The following ETV3 variants were observed in gnomAD, a reference collection of about 807,000 sequenced individuals.
The protein encoded by ETV3 is ETS variant transcription factor 3.
Under a neutral mutation model 33.0 loss-of-function variants are expected in ETV3, and 8 were observed. The observed-to-expected ratio is 0.24, with a 90% confidence interval of 0.14 to 0.44. The LOEUF is 0.44. Among genes scored for constraint, ETV3 ranks in the 20% least tolerant of loss-of-function variants. The pLI, the probability that ETV3 is intolerant of heterozygous loss-of-function variation, is 1.00. For missense variants in ETV3, 473 were observed against 652.3 expected (o/e 0.73, Z 2.99); for synonymous variants, 222 against 238.9 (o/e 0.93, Z 0.65).
rs1197722762 is a variant in ETV3 at position 157,125,882 on chromosome 1, C to T, written c.498G>A (p.Pro166=). ...TTAGGGAGCTAGCAGAGAACCGTCCCGGCTGCACATCATTGGTTGGAGAAT... is the reference window on the plus strand; with the variant it reads ...TTAGGGAGCTAGCAGAGAACCGTCCTGGCTGCACATCATTGGTTGGAGAAT... The part of the protein sequence containing the change: ...DTHSPTNDVQ[P]GRFSASSLTA... Residue 166 remains proline (P), a synonymous_variant, in exon 5 of 5, where the codon CCG becomes CCA. Coordinates refer to ENST00000368192, the MANE Select transcript of ETV3 (RefSeq NM_001145312.3). This position sits in a 1 kb window ranked among gnomAD's most constrained non-coding sequence, Gnocchi z 4.0. 5.8e-6 allele frequency: 9 copies of T among 1,551,620 alleles called. No homozygotes were observed. Among genetic ancestry groups the T allele is most frequent in the African/African-American group, 2.7e-5 (2 of 73,026 alleles).
chr1:157,130,732 T>C (rs1218509132), intron 4 of ETV3, among the ~76,000 whole-genome samples: 1 of 152,222 alleles, frequency 6.6e-6, no homozygotes, highest in Non-Finnish European at 1.5e-5. Flanking sequence ...CAGTTAATAT[T>C]TGTAAAGCCC....
At position 157,124,769 on chromosome 1, in the gene ETV3, C is replaced by CCGAAAACT; in HGVS notation, c.*71_*72insAGTTTTCG. On this transcript the variant is annotated 3_prime_UTR_variant, in exon 5 of 5. Coordinates refer to ENST00000368192, the MANE Select transcript of ETV3 (RefSeq NM_001145312.3). The stretch of plus-strand genomic sequence containing the variant: ...CCAGTTTAACTCCCTCCCCCCCACC[C>CCGAAAACT]TGAAATCTTGCTACATAAATACATG... The CCGAAAACT allele has an allele frequency of 2.9e-6, 2 of 694,886 alleles. No homozygotes were observed. Among genetic ancestry groups the CCGAAAACT allele is most frequent in the Non-Finnish European group, 4.1e-6 (2 of 488,672 alleles). The allele number at this position is 694,886 out of a possible 1,614,324, so 43.0% of individuals were successfully genotyped here.
chr1:157,133,737 T>C (rs1675027830), intron 4 of ETV3: 2 of 1,010,102 alleles, frequency 2.0e-6, no homozygotes, highest in Non-Finnish European at 2.4e-6. Context: ...TCGGAAGTGT[T>C]TGTAGAAACA....
intron 3 of ETV3, among the ~76,000 whole-genome samples, chr1:157,134,644 A>G (rs1328881171): frequency 6.6e-6 from 1 of 152,244 alleles, no homozygotes; most frequent in Non-Finnish European, 1.5e-5. Flanking sequence ...GTTAGTCTGG[A>G]GGCCTAAGCT....
rs1282909593 is a variant in ETV3 at position 157,125,403 on chromosome 1, A to C, written c.977T>G (p.Met326Arg). ...CATTTGGCACTGCAGTGGTGGAACC[A>C]TGAGCCCTGGGTAACGGGGAAAAGT... Reference protein sequence around the residue: ...PRTFPRYPGLMVPPLQCQMHP... With the variant: ...PRTFPRYPGLRVPPLQCQMHP... The change falls in exon 5 of 5, where the codon ATG (methionine) becomes AGG (arginine). Residue 326 changes from methionine (M) to arginine (R), a missense_variant. By Grantham distance (91) the Met-to-Arg change is moderately conservative (BLOSUM62 -1). Transcript: ENST00000368192. This position sits in a 1 kb window ranked among gnomAD's most constrained non-coding sequence, Gnocchi z 4.0. 6.4e-7 allele frequency: 1 copy of C among 1,552,162 alleles called. No homozygotes were observed. The highest frequency in any genetic ancestry group is 2.0e-5 in the Admixed American group (1 of 51,014).
At chr1:157,137,509 A>ACAC (rs1675145772) in intron 1 of ETV3, among the ~76,000 whole-genome samples, 6 of 145,090 alleles carry the variant, frequency 4.1e-5, no homozygotes, top group African/African-American at 7.7e-5. Flanking sequence ...GACAAGGAAA[A>ACAC]ACACACACAC....
intron 1 of ETV3, among the ~76,000 whole-genome samples, chr1:157,137,594 G>A (rs1266507424): frequency 6.6e-6 from 1 of 150,784 alleles, no homozygotes; most frequent in Non-Finnish European, 1.5e-5. Context: ...TGAGGCAGGA[G>A]CTTCCTCTTC....
Position 157,135,535 on chromosome 1 carries a change from G to A in ETV3, c.220C>T (p.Arg74Cys), listed in dbSNP as rs751032829. The change falls in exon 3 of 5, where the codon CGC (arginine) becomes TGC (cysteine). Residue 74 changes from arginine (R) to cysteine (C), a missense_variant. This residue lies in a region of ETV3 where 30 missense variants were observed against 94.9 expected (regional missense o/e 0.32). Coordinates refer to ENST00000368192, the MANE Select transcript of ETV3 (RefSeq NM_001145312.3). ...TTGCATTTCCTGCGGCCCCAGAGGC[G>A]GGCCACCTCATCTGGATCCTTGATG... ...FVIKDPDEVARLWGRRKCKPQ... is the reference protein window; with the variant it reads ...FVIKDPDEVACLWGRRKCKPQ... The A allele has an allele frequency of 1.2e-6, 2 of 1,613,930 alleles. No homozygotes were observed. Among genetic ancestry groups the A allele is most frequent in the Non-Finnish European group, 1.7e-6 (2 of 1,179,924 alleles).
chr1:157,135,211 A>T (rs1463532161), intron 3 of ETV3: 1 of 590,630 alleles, frequency 1.7e-6, no homozygotes, highest in Non-Finnish European at 3.0e-6. Flanking sequence ...CCCACTACAG[A>T]GCAGAATCAG....
Position 157,125,166 on chromosome 1 carries a change from T to G in ETV3, c.1214A>C (p.Gln405Pro). ...QSAREKEEHT[Q>P]EEGTVPSRTI... is the part of the protein sequence containing the mutation. Reference sequence around the variant, plus strand: ...CCTGCTTGGCACAGTGCCCTCTTCTTGAGTGTGCTCCTCCTTCTCTCGTGC... The same window carrying G: ...CCTGCTTGGCACAGTGCCCTCTTCTGGAGTGTGCTCCTCCTTCTCTCGTGC... The change falls in exon 5 of 5, where the codon CAA (glutamine) becomes CCA (proline). Residue 405 changes from glutamine to proline, a missense_variant. By Grantham distance (76) the Gln-to-Pro change is moderately conservative. Around this residue, in one of 3 missense-constraint regions of ETV3, gnomAD observed 410 missense variants for 520.2 expected, o/e 0.79. Coordinates refer to ENST00000368192, the MANE Select transcript of ETV3 (RefSeq NM_001145312.3). The surrounding 1 kb of genome is among the most constrained non-coding windows in gnomAD (Gnocchi z 4.0). 6.4e-7 allele frequency: 1 copy of G among 1,552,024 alleles called. No individual in the cohort carries two copies. Among genetic ancestry groups the G allele is most frequent in the Non-Finnish European group, 8.7e-7 (1 of 1,147,018 alleles).
rs2231854 is a variant in ETV3, at chr1:157,135,308, C to A, written c.284+163G>T. On this transcript the variant is annotated intron_variant, in intron 3 of 4. Coordinates refer to ENST00000368192, the MANE Select transcript of ETV3 (RefSeq NM_001145312.3). ...TGCCTTTTCTCCTCCTGTGCCTATGCTACTCACATTCAACAGCTCTTCTAC... is the reference window on the plus strand; with the variant it reads ...TGCCTTTTCTCCTCCTGTGCCTATGATACTCACATTCAACAGCTCTTCTAC... 1,696 of 807,680 alleles carry A rather than the reference C, an allele frequency of 2.1e-3. 18 individuals are homozygous for A. In the African/African-American group the frequency reaches 0.026, roughly 12 times the overall value. The allele number at this position is 807,680 out of a possible 1,614,324, so 50.0% of individuals were successfully genotyped here.
At chr1:157,128,667 G>GA (rs1674899760) in intron 4 of ETV3, 1 of 191,192 alleles carries the variant, frequency 5.2e-6, no homozygotes, top group East Asian at 1.4e-4. Flanking sequence ...GCTACTAATG[G>GA]ATAATAATTG....
At chr1:157,132,747 C>CTT (rs67621779) in intron 4 of ETV3, among the ~76,000 whole-genome samples, 2 of 142,712 alleles carry the variant, frequency 1.4e-5, no homozygotes, top group African/African-American at 2.6e-5. Flanking sequence ...TCCAATACCA[C>CTT]TTTTTTTTTT....
intron 3 of ETV3, among the ~76,000 whole-genome samples, chr1:157,134,514 T>C (rs921191410): frequency 6.6e-6 from 1 of 152,228 alleles, no homozygotes; most frequent in Non-Finnish European, 1.5e-5. Context: ...TCCATCTCTC[T>C]ACAATTTCGA....
intron 4 of ETV3, among the ~76,000 whole-genome samples, chr1:157,130,421 T>C (rs1247311424): frequency 1.3e-5 from 2 of 152,178 alleles, no homozygotes; most frequent in Non-Finnish European, 2.9e-5. Flanking sequence ...AAAAGAAAGT[T>C]TGAATACCAT....
chr1:157,127,542 CTTTTTTTTT>C (rs779661847), intron 4 of ETV3, among the ~76,000 whole-genome samples: 1 of 133,564 alleles, frequency 7.5e-6, no homozygotes. Context: ...CTTATGTCAA[CTTTTTTTTT>C]TTTTTTTTTT....
In ETV3 at chr1:157,125,624, G is replaced by A. The variant is rs1381301833; in HGVS notation, c.756C>T (p.Ile252=). The change falls in exon 5 of 5, where the codon ATC becomes ATT. Residue 252 remains isoleucine, a synonymous_variant. Transcript: ENST00000368192. The surrounding 1 kb of genome is among the most constrained non-coding windows in gnomAD (Gnocchi z 4.0). ...DPHSPFAVSP[I]PGRGGVLNVP... is the part of the protein sequence containing the mutation. ...CATTAAGGACACCTCCGCGGCCAGG[G>A]ATTGGAGAGACAGCGAAGGGACTGT... is the stretch of plus-strand genomic sequence containing the variant. 4 of 1,551,734 alleles carry A rather than the reference G, an allele frequency of 2.6e-6. No individual in the cohort carries two copies. The highest frequency in any genetic ancestry group is 3.5e-6 in the Non-Finnish European group (4 of 1,147,000).
Position 157,125,131 on chromosome 1 carries a change from C to T in ETV3, c.1249G>A (p.Glu417Lys). ...CGGGCAAAGATGGTGCCTTTTTCCTCTTCAATGGTCCTGCTTGGCACAGTG... is the reference window on the plus strand; with the variant it reads ...CGGGCAAAGATGGTGCCTTTTTCCTTTTCAATGGTCCTGCTTGGCACAGTG... ...EGTVPSRTIE[E>K]EKGTIFARPA... The change falls in exon 5 of 5, where the codon GAG (glutamate) becomes AAG (lysine). Residue 417 changes from glutamate (E) to lysine (K), a missense_variant. By Grantham distance (56) the Glu-to-Lys change is moderately conservative. This residue lies in a region of ETV3 where 410 missense variants were observed against 520.2 expected (regional missense o/e 0.79). Coordinates refer to ENST00000368192, the MANE Select transcript of ETV3 (RefSeq NM_001145312.3). The surrounding 1 kb of genome is among the most constrained non-coding windows in gnomAD (Gnocchi z 4.0). The T allele has an allele frequency of 6.5e-7, 1 of 1,549,062 alleles. No homozygotes were observed. The highest frequency in any genetic ancestry group is 8.7e-7 in the Non-Finnish European group (1 of 1,145,612).
intron 1 of ETV3, among the ~76,000 whole-genome samples, chr1:157,136,990 AACAC>A (rs1292060544): frequency 2.0e-5 from 3 of 152,216 alleles, no homozygotes; most frequent in Non-Finnish European, 4.4e-5. Flanking sequence ...CTATTCAAAA[AACAC>A]ACACAAACTC....
Sources: gnomAD v4.1 joint callset for allele counts (sites outside exome capture counted in the v4.1 genomes callset) on GRCh38, gnomAD v4.1.1 for gene constraint, gnomAD v4.1.1 regional missense constraint, Gnocchi (gnomAD v3.1) non-coding constraint, MANE v1.5 for transcripts, NCBI Gene and HGNC (gene_info 2026-07-23, HGNC 2026-07-21) for gene names.